The following MED14 variants were observed in gnomAD, a reference collection of about 807,000 sequenced individuals.
MED14 encodes the protein mediator of RNA polymerase II transcription subunit 14.
A neutral mutation model predicts 109.0 loss-of-function variants in MED14; 8 were observed. That is an observed-to-expected ratio of 0.07 (90% CI 0.04 to 0.13). MED14 has a LOEUF of 0.13. Among genes scored for constraint, MED14 ranks in the 10% least tolerant of loss-of-function variants. MED14 has a pLI of 1.00. For missense variants in MED14, 711 were observed against 1,142.4 expected, an observed-to-expected ratio of 0.62 and a Z score of 5.44; for synonymous variants, 399 against 408.7, an observed-to-expected ratio of 0.98 and a Z score of 0.29.
At chrX:40,683,052 C>T in intron 16 of MED14, 56 bp from the exon 17 acceptor site, 3 of 1,007,516 alleles carry the variant, frequency 3.0e-6, no homozygotes, top group Non-Finnish European at 4.1e-6. Context: ...GCACAATGTA[C>T]ACAATGACAG....
intron 11 of MED14, among the ~76,000 whole-genome samples, chrX:40,702,782 C>T (rs1303236281): frequency 9.0e-6 from 1 of 111,504 alleles, no homozygotes; most frequent in Non-Finnish European, 1.9e-5. Flanking sequence ...CCATGAGCAG[C>T]CCATAGAAAA....
intron 24 of MED14, 147 bp downstream of exon 24, chrX:40,666,569 TTAGA>T: frequency 1.8e-6 from 1 of 568,456 alleles, no homozygotes; most frequent in Non-Finnish European, 2.9e-6. Context: ...TGTGGTGGGA[TTAGA>T]TAAATTTGAT....
Position 40,692,119 on chromosome X carries a change from C to G in MED14, c.1980+64G>C, listed in dbSNP as rs139747207. ...TCCTAATGGAATCTATATATACCCT[C>G]AGCAACACATTTTAAAAACTACTCT... On this transcript the variant is annotated intron_variant, in intron 15 of 30. Transcript: ENST00000324817. 4,882 of 1,069,534 alleles carry G rather than the reference C, an allele frequency of 4.6e-3. 141 individuals carry two copies. The African/African-American group carries it at 0.08, about 17-fold the overall frequency. 88.1% of individuals were successfully genotyped at this position (1,069,534 alleles called of 1,213,427 possible).
chrX:40,734,126 G>A (rs1932170575), intron 1 of MED14, among the ~76,000 whole-genome samples: 1 of 111,436 alleles, frequency 9.0e-6, no homozygotes, highest in Non-Finnish European at 1.9e-5. Flanking sequence ...ACTTTCTCAT[G>A]GATATTCTTG....
At chrX:40,727,622 A>G (rs1424637703) in intron 2 of MED14, among the ~76,000 whole-genome samples, 1 of 111,822 alleles carries the variant, frequency 8.9e-6, no homozygotes, top group Non-Finnish European at 1.9e-5. Context: ...TCTCAACTTC[A>G]TAGCAGCTAT....
chrX:40,681,765 C>A, intron 19 of MED14, 87 bp downstream of exon 19: 1 of 498,066 alleles, frequency 2.0e-6, no homozygotes, highest in Non-Finnish European at 3.3e-6. Context: ...TGAGCTCTTA[C>A]TTATATTAAG....
intron 21 of MED14, among the ~76,000 whole-genome samples, chrX:40,676,922 G>A (rs888196984): frequency 3.6e-5 from 4 of 111,675 alleles, no homozygotes; most frequent in African/African-American, 6.5e-5. Flanking sequence ...CCCAGTCTTG[G>A]GTAGTATCTT....
chrX:40,663,206 T>C (rs1929349314), intron 25 of MED14, 46 bp from the exon 26 acceptor site: 1 of 950,608 alleles, frequency 1.1e-6, no homozygotes, highest in African/African-American at 1.9e-5. Flanking sequence ...ATACATACTA[T>C]CTCATTGCTT....
In MED14 at chrX:40,663,030, G is replaced by T; in HGVS notation, c.3579C>A (p.Gly1193=). 8.3e-7 allele frequency: 1 copy of T among 1,211,242 alleles called. No homozygotes were observed. The highest frequency in any genetic ancestry group is 1.1e-6 in the Non-Finnish European group (1 of 894,928). ...NILLLPSPTP[G]LVPGLAGSYL... ...AACTACCTGCCAGGCCGGGCACAAG[G>T]CCTGGAGTTGGAGAGGGCAGCAGTA... Residue 1193 remains glycine, a synonymous_variant, in exon 26 of 31, where the codon GGC becomes GGA. Transcript: ENST00000324817.
In MED14 at chrX:40,648,598, T is replaced by C. The variant is rs746513336; in HGVS notation, c.*3208A>G. The C allele has an allele frequency of 7.1e-5, 8 of 112,641 alleles. No individual in the cohort carries two copies. Among genetic ancestry groups the C allele is most frequent in the Admixed American group, 1.9e-4 (2 of 10,656 alleles). The allele number at this position is 112,641 out of a possible 1,213,427, so 9.3% of individuals were successfully genotyped here. A position where few individuals can be genotyped will look rare whatever the true frequency, so the allele number is the denominator to read the frequency against. On this transcript the variant is annotated 3_prime_UTR_variant, in exon 31 of 31. Transcript: ENST00000324817. The stretch of plus-strand genomic sequence containing the variant: ...CTACCACATTGGGTTGTTGTGAGGA[T>C]TAAATACACATTGAAATATTAAGAA...
At chrX:40,711,057 T>C (rs1329417165) in intron 8 of MED14, 112 bp downstream of exon 8, 3 of 892,195 alleles carry the variant, frequency 3.4e-6, no homozygotes, top group East Asian at 3.3e-5. Flanking sequence ...CAATTCAAGC[T>C]TGTGTTGTCC....
intron 25 of MED14, 97 bp from the exon 26 acceptor site, chrX:40,663,257 A>T: frequency 1.5e-6 from 1 of 675,238 alleles, no homozygotes. Flanking sequence ...GTTCTAAATC[A>T]TTCTGTACTG....
At chrX:40,681,407 G>A (rs1249570068) in intron 19 of MED14, among the ~76,000 whole-genome samples, 1 of 110,180 alleles carries the variant, frequency 9.1e-6, no homozygotes, top group African/African-American at 3.4e-5. Context: ...TACATATGAG[G>A]TGGGAAAAAA....
intron 1 of MED14, among the ~76,000 whole-genome samples, chrX:40,734,227 C>T (rs1006701622): frequency 3.6e-5 from 4 of 111,904 alleles, no homozygotes; most frequent in African/African-American, 1.3e-4. Flanking sequence ...TTCTCATTAG[C>T]CATGGGTAGG....
At chrX:40,707,107 G>GGATA (rs544581828) in intron 10 of MED14, among the ~76,000 whole-genome samples, 13,511 of 101,199 alleles carry the variant, frequency 0.13, 822 homozygotes, top group East Asian at 0.2. Flanking sequence ...ATACATAGAT[G>GGATA]GATAGATAGA....
chrX:40,722,452 A>C (rs1430298178), intron 3 of MED14, among the ~76,000 whole-genome samples: 1 of 111,871 alleles, frequency 8.9e-6, no homozygotes, highest in Admixed American at 9.5e-5. Flanking sequence ...AAAAGAATGA[A>C]GCACACCTAC....
chrX:40,707,467 T>A (rs1931194615), intron 10 of MED14, among the ~76,000 whole-genome samples: 2 of 111,240 alleles, frequency 1.8e-5, no homozygotes, highest in South Asian at 7.5e-4. Flanking sequence ...TACGTCCACA[T>A]AAAAACTTGG....
rs780921465 is a variant in MED14, at chrX:40,675,469, A to C, written c.2881-108T>G. On this transcript the variant is annotated intron_variant, in intron 21 of 30. Transcript: ENST00000324817. ...CAGAAACACAGTATGTTGATCCTTGAAGATCGTTACTAGGACAACCTAGAA... is the reference window on the plus strand; with the variant it reads ...CAGAAACACAGTATGTTGATCCTTGCAGATCGTTACTAGGACAACCTAGAA... 5 of 556,617 alleles carry C rather than the reference A, an allele frequency of 9.0e-6. No homozygotes were observed. The African/African-American group carries it at 1.2e-4, about 14-fold the overall frequency. The allele number at this position is 556,617 out of a possible 1,213,427, so 45.9% of individuals were successfully genotyped here.
chrX:40,673,078 C>T (rs1259171554), intron 22 of MED14, among the ~76,000 whole-genome samples: 1 of 111,936 alleles, frequency 8.9e-6, no homozygotes, highest in Non-Finnish European at 1.9e-5. Context: ...TTTCTCACAA[C>T]TGTCTTATCA....
Sources: gnomAD v4.1 joint callset for allele counts (sites outside exome capture counted in the v4.1 genomes callset) on GRCh38, gnomAD v4.1.1 for gene constraint, MANE v1.5 for transcripts, NCBI Gene and HGNC (gene_info 2026-07-23, HGNC 2026-07-21) for gene names.